Variants in NOX3 observed in about 807,000 individuals in gnomAD.
The protein encoded by NOX3 is NADPH oxidase 3.
NOX3 carries 74 observed loss-of-function variants against 76.7 expected under a neutral mutation model. The ratio of observed to expected loss-of-function variants is 0.96; its 90% CI spans 0.80 to 1.17. NOX3 has a LOEUF of 1.17. Among genes scored for constraint, NOX3 ranks in the 50% most tolerant of loss-of-function variants. The pLI is 0.00. For synonymous variants in NOX3, 263 were observed against 261.1 expected (o/e 1.01, Z -0.07); for missense variants, 695 against 703.3 (o/e 0.99, Z 0.13).
At chr6:155,430,789 A>G in intron 8 of NOX3, 54 bp downstream of exon 8, 1 of 1,287,574 alleles carries the variant, frequency 7.8e-7, no homozygotes, top group Non-Finnish European at 1.1e-6. Context: ...TGGGCTAATA[A>G]AAAATTTTCA....
chr6:155,431,076 A>G (rs1456571973), intron 7 of NOX3, 141 bp from the exon 8 acceptor site: 1 of 594,644 alleles, frequency 1.7e-6, no homozygotes. Flanking sequence ...AGCAACAAAG[A>G]TGTCTCCTTG....
intron 11 of NOX3, among the ~76,000 whole-genome samples, chr6:155,409,499 G>C (rs889937875): frequency 1.1e-4 from 17 of 152,130 alleles, no homozygotes; most frequent in African/African-American, 4.1e-4. Context: ...CAAACATTTG[G>C]AATGATATTT....
At chr6:155,405,418 T>C (rs1308304368) in intron 12 of NOX3, among the ~76,000 whole-genome samples, 2 of 152,188 alleles carry the variant, frequency 1.3e-5, no homozygotes, top group Admixed American at 6.5e-5. Context: ...GGAACTCTTG[T>C]CCATCTATAT....
At chr6:155,434,449 C>T (rs950078142) in intron 7 of NOX3, among the ~76,000 whole-genome samples, 4 of 152,036 alleles carry the variant, frequency 2.6e-5, no homozygotes, top group Non-Finnish European at 4.4e-5. Flanking sequence ...AGACAAGCTG[C>T]GAAGATGAAC....
intron 12 of NOX3, among the ~76,000 whole-genome samples, chr6:155,405,784 C>T (rs113018144): frequency 6.6e-6 from 1 of 152,306 alleles, no homozygotes; most frequent in African/African-American, 2.4e-5. Context: ...GCTCCCTAAT[C>T]CAAACTGCCA....
chr6:155,405,816 T>TCTCCACCTCTGTCCC (rs2114676994), intron 12 of NOX3, among the ~76,000 whole-genome samples: 1 of 152,306 alleles, frequency 6.6e-6, no homozygotes, highest in South Asian at 2.1e-4. Flanking sequence ...TTCTCTGGCC[T>TCTCCACCTCTGTCCC]CTCCACCTCT....
At chr6:155,445,382 A>T (rs912265974) in intron 4 of NOX3, among the ~76,000 whole-genome samples, 1 of 152,162 alleles carries the variant, frequency 6.6e-6, no homozygotes, top group Non-Finnish European at 1.5e-5. Context: ...GTGGAAGAAG[A>T]TGTGATGGGG....
chr6:155,431,004 C>A, intron 7 of NOX3, 69 bp from the exon 8 acceptor site: 1 of 1,020,582 alleles, frequency 9.8e-7, no homozygotes. Context: ...TCAATTTGAA[C>A]CAAATCAATA....
chr6:155,417,004 A>G (rs2294674), intron 10 of NOX3, among the ~76,000 whole-genome samples: 37,959 of 151,564 alleles, frequency 0.25, 5,300 homozygotes, highest in African/African-American at 0.37. Flanking sequence ...GCCCACCTCG[A>G]CCTCCCAAAA....
At chr6:155,415,711 G>A (rs915160767) in intron 10 of NOX3, among the ~76,000 whole-genome samples, 11 of 152,168 alleles carry the variant, frequency 7.2e-5, no homozygotes, top group South Asian at 2.1e-4. Flanking sequence ...AGATTACTGC[G>A]TATGTAAAAT....
intron 12 of NOX3, among the ~76,000 whole-genome samples, chr6:155,397,438 C>T (rs1160292976): frequency 6.6e-6 from 1 of 152,186 alleles, no homozygotes; most frequent in Non-Finnish European, 1.5e-5. Context: ...TTCATGTCTT[C>T]TTGGATACGT....
At position 155,442,046 on chromosome 6, in the gene NOX3, C is replaced by T. The variant is rs542574587; in HGVS notation, c.486+1227G>A. Among the ~76,000 whole-genome samples the T allele has an allele frequency of 4.2e-4, 64 of 152,226 alleles. No homozygotes were observed. In the East Asian group the frequency reaches 5.0e-3, roughly 12 times the overall value. On this transcript the variant is annotated intron_variant, in intron 5 of 13. Transcript: ENST00000159060. ...TTGGGAGGCCGAGGTGGGCGGATCACGAGGTCAGGCGATCAAGACCATCCT... is the reference window on the plus strand; with the variant it reads ...TTGGGAGGCCGAGGTGGGCGGATCATGAGGTCAGGCGATCAAGACCATCCT...
chr6:155,429,064 G>C lies in NOX3; in HGVS notation c.892-17C>G. Reference sequence around the variant, plus strand: ...GCTTACCACCTATGTGAGAGTGAGAGAGTTGTTTGCCTTTGTCCTCGAAAT... The same window carrying C: ...GCTTACCACCTATGTGAGAGTGAGACAGTTGTTTGCCTTTGTCCTCGAAAT... On this transcript the variant is annotated splice_polypyrimidine_tract_variant and intron_variant, in intron 8 of 13. Transcript: ENST00000159060. 1 of 1,527,618 alleles carries C rather than the reference G, an allele frequency of 6.5e-7. No individual in the cohort carries two copies. Among genetic ancestry groups the C allele is most frequent in the Non-Finnish European group, 8.8e-7 (1 of 1,130,358 alleles). 94.6% of individuals were successfully genotyped at this position (1,527,618 alleles called of 1,614,324 possible). A position where few individuals can be genotyped will look rare whatever the true frequency, so the allele number is the denominator to read the frequency against.
intron 10 of NOX3, among the ~76,000 whole-genome samples, chr6:155,414,788 C>T (rs1449846310): frequency 5.9e-5 from 9 of 151,836 alleles, no homozygotes; most frequent in African/African-American, 1.7e-4. Context: ...CCACCATGCA[C>T]GACGAAGTTT....
rs746837488 is a variant in NOX3 at position 155,422,676 on chromosome 6, C to G, written c.1308+18G>C. 1 of 1,611,874 alleles carries G rather than the reference C, an allele frequency of 6.2e-7. No individual in the cohort carries two copies. The highest frequency in any genetic ancestry group is 1.3e-5 in the African/African-American group (1 of 74,898). ...ACCTTTTAATCCATGGAAGGGTGAA[C>G]TAATGATTTTTCCGTACCTTGCTCA... On this transcript the variant is annotated intron_variant, in intron 10 of 13. Coordinates refer to ENST00000159060, the MANE Select transcript of NOX3 (RefSeq NM_015718.3).
intron 9 of NOX3, among the ~76,000 whole-genome samples, chr6:155,426,486 G>T (rs1394771002): frequency 6.6e-6 from 1 of 152,172 alleles, no homozygotes; most frequent in African/African-American, 2.4e-5. Context: ...AGTGACTGCT[G>T]GGGGTTGTTT....
At chr6:155,435,888 T>G (rs557098753) in intron 7 of NOX3, among the ~76,000 whole-genome samples, 2 of 152,238 alleles carry the variant, frequency 1.3e-5, no homozygotes, top group Non-Finnish European at 2.9e-5. Context: ...GCTAACATCA[T>G]CATTATTTCA....
At position 155,443,282 on chromosome 6, in the gene NOX3, G is replaced by A; in HGVS notation, c.477C>T (p.Thr159=). The change falls in exon 5 of 14, where the codon ACC becomes ACT. Residue 159 remains threonine (T), a synonymous_variant. Coordinates refer to ENST00000159060, the MANE Select transcript of NOX3 (RefSeq NM_015718.3). ...PNESYLNPVR[T]FPTNTTTELL... ...GCATGCAGGAACTCACTGTGGGGAA[G>A]GTCCGGACAGGGTTGAGGTAGCTCT... is the stretch of plus-strand genomic sequence containing the variant. 2.5e-6 allele frequency: 4 copies of A among 1,613,190 alleles called. No homozygotes were observed. Among genetic ancestry groups the A allele is most frequent in the East Asian group, 2.2e-5 (1 of 44,834 alleles).
chr6:155,439,873 C>A, intron 6 of NOX3, 83 bp downstream of exon 6: 45 of 1,295,220 alleles, frequency 3.5e-5, no homozygotes, highest in Middle Eastern at 4.9e-4. Context: ...CGCACGCCGG[C>A]TCCTTCATCT....
Sources: allele counts gnomAD v4.1 joint callset (sites outside exome capture counted in the v4.1 genomes callset), GRCh38; gene constraint gnomAD v4.1.1; transcripts MANE v1.5; gene names NCBI Gene and HGNC (gene_info 2026-07-23, HGNC 2026-07-21).